The following ROBO2 variants were observed in gnomAD, a reference collection of about 807,000 sequenced individuals.
The protein encoded by ROBO2 is roundabout homolog 2.
In ROBO2, 53 loss-of-function variants were observed where a neutral mutation model predicts 160.8. That is an observed-to-expected ratio of 0.33 (90% CI 0.26 to 0.41). The LOEUF (loss-of-function observed/expected upper bound fraction) is 0.41. ROBO2 is among the 10% of genes least tolerant of loss of function. The pLI is 1.00. For missense variants in ROBO2, 1,577 were observed against 1,722.4 expected, an observed-to-expected ratio of 0.92 and a Z score of 1.49; for synonymous variants, 664 against 611.7, an observed-to-expected ratio of 1.09 and a Z score of -1.26.
intron 2 of ROBO2, among the ~76,000 whole-genome samples, chr3:77,375,871 A>G (rs1191609835): frequency 6.7e-6 from 1 of 149,292 alleles, no homozygotes; most frequent in Non-Finnish European, 1.5e-5. Flanking sequence ...TGAAGTGCTC[A>G]GTAGTAGTTA....
At chr3:76,183,184 T>C (rs1489087513) in intron 2 of ROBO2, among the ~76,000 whole-genome samples, 1 of 152,126 alleles carries the variant, frequency 6.6e-6, no homozygotes, top group African/African-American at 2.4e-5. Flanking sequence ...AAATGTCATC[T>C]CTAGGACAGC....
At chr3:76,468,292 G>C (rs2078464717) in intron 2 of ROBO2, among the ~76,000 whole-genome samples, 1 of 152,088 alleles carries the variant, frequency 6.6e-6, no homozygotes, top group Non-Finnish European at 1.5e-5. Flanking sequence ...AACTACATTT[G>C]ACATTGGAAT....
At chr3:77,241,283 G>A (rs761801777) in intron 2 of ROBO2, among the ~76,000 whole-genome samples, 1 of 152,036 alleles carries the variant, frequency 6.6e-6, no homozygotes, top group Admixed American at 6.5e-5. Context: ...GATAAATCAA[G>A]GTTTAACTAT....
At chr3:77,295,038 A>G (rs2061885327) in intron 2 of ROBO2, among the ~76,000 whole-genome samples, 1 of 151,742 alleles carries the variant, frequency 6.6e-6, no homozygotes, top group Non-Finnish European at 1.5e-5. Flanking sequence ...GACTTAAAGA[A>G]AAATTGATGC....
intron 2 of ROBO2, among the ~76,000 whole-genome samples, chr3:76,684,496 T>C (rs918370592): frequency 1.3e-5 from 2 of 152,302 alleles, no homozygotes; most frequent in South Asian, 4.1e-4. Context: ...TAGTAATTAG[T>C]AAATTTTAGT....
intron 2 of ROBO2, among the ~76,000 whole-genome samples, chr3:77,428,379 C>G (rs1184121377): frequency 3.3e-5 from 4 of 120,560 alleles, no homozygotes; most frequent in African/African-American, 1.4e-4. Context: ...GACGGAGTCT[C>G]GCTCTGTCAC....
intron 2 of ROBO2, among the ~76,000 whole-genome samples, chr3:77,217,442 C>T (rs991643045): frequency 1.3e-5 from 2 of 152,088 alleles, no homozygotes; most frequent in South Asian, 2.1e-4. Flanking sequence ...CATGCCTGGC[C>T]GATTTTTCTA....
chr3:77,176,349 G>T (rs924251739), intron 2 of ROBO2, among the ~76,000 whole-genome samples: 1 of 151,976 alleles, frequency 6.6e-6, no homozygotes, highest in Non-Finnish European at 1.5e-5. Context: ...TACTCGGACG[G>T]ATTTTTCCCT....
At chr3:76,019,320 G>A (rs1487874048) in intron 2 of ROBO2, among the ~76,000 whole-genome samples, 1 of 150,438 alleles carries the variant, frequency 6.6e-6, no homozygotes, top group East Asian at 2.0e-4. Context: ...CTTGGAATTG[G>A]CTAATACTTG....
intron 2 of ROBO2, among the ~76,000 whole-genome samples, chr3:76,148,550 C>T (rs771375336): frequency 7.9e-5 from 12 of 152,044 alleles, no homozygotes; most frequent in Non-Finnish European, 1.2e-4. Context: ...AAAATGCTTT[C>T]TGGGCCTATC....
chr3:76,787,223 C>T (rs1222457657), intron 2 of ROBO2, among the ~76,000 whole-genome samples: 2 of 151,172 alleles, frequency 1.3e-5, no homozygotes, highest in African/African-American at 2.4e-5. Context: ...ATCACAATGC[C>T]TTTATAAAAT....
chr3:76,718,444 A>G lies in ROBO2; in HGVS notation c.110-379570A>G, dbSNP rs149391946. ...AAATTCTGTTTCCATTGCCACTGTT[A>G]TTTTGACACATCCTCAAAATAACTG... is the stretch of plus-strand genomic sequence containing the variant. On this transcript the variant is annotated intron_variant, in intron 2 of 26. Coordinates refer to the ROBO2 transcript ENST00000487694. Among the ~76,000 whole-genome samples, 377 of 152,334 alleles carry G rather than the reference A, an allele frequency of 2.5e-3. 1 individual carries two copies. Among genetic ancestry groups the G allele is most frequent in the Middle Eastern group, 6.8e-3 (2 of 294 alleles).
intron 2 of ROBO2, among the ~76,000 whole-genome samples, chr3:76,672,660 G>T (rs946992277): frequency 6.6e-6 from 1 of 152,072 alleles, no homozygotes; most frequent in Non-Finnish European, 1.5e-5. Context: ...GGGAATTACC[G>T]ACTCAAGCAC....
At chr3:76,482,651 A>G (rs1175850870) in intron 2 of ROBO2, among the ~76,000 whole-genome samples, 4 of 152,114 alleles carry the variant, frequency 2.6e-5, no homozygotes, top group African/African-American at 9.7e-5. Context: ...AAGCCATGTC[A>G]TGTATGGACA....
intron 2 of ROBO2, among the ~76,000 whole-genome samples, chr3:76,581,414 C>T (rs1578302183): frequency 6.6e-6 from 1 of 151,880 alleles, no homozygotes; most frequent in East Asian, 1.9e-4. Flanking sequence ...CGGAAGCAGC[C>T]TGAATGAAGG....
chr3:76,504,527 T>G (rs2080677639), intron 2 of ROBO2, among the ~76,000 whole-genome samples: 1 of 133,246 alleles, frequency 7.5e-6, no homozygotes, highest in Non-Finnish European at 1.6e-5. Context: ...CTCTTTTTTT[T>G]TTTTTTTTTT....
At chr3:76,123,801 C>T (rs1023918103) in intron 2 of ROBO2, among the ~76,000 whole-genome samples, 1 of 152,132 alleles carries the variant, frequency 6.6e-6, no homozygotes, top group African/African-American at 2.4e-5. Context: ...ACCTTTTCTT[C>T]CTACACCTTG....
chr3:77,340,036 C>T (rs1327615132), intron 2 of ROBO2, among the ~76,000 whole-genome samples: 1 of 152,090 alleles, frequency 6.6e-6, no homozygotes, highest in Non-Finnish European at 1.5e-5. Flanking sequence ...AATTTCCACC[C>T]TGGCCCTTTG....
At chr3:76,371,432 T>A (rs1352966857) in intron 2 of ROBO2, among the ~76,000 whole-genome samples, 2 of 151,788 alleles carry the variant, frequency 1.3e-5, no homozygotes, top group East Asian at 2.0e-4. Context: ...ACTTAAAGAT[T>A]AGCTGCATAT....
Sources: gnomAD v4.1 joint callset for allele counts (sites outside exome capture counted in the v4.1 genomes callset) on GRCh38, gnomAD v4.1.1 for gene constraint, MANE v1.5 for transcripts, NCBI Gene and HGNC (gene_info 2026-07-23, HGNC 2026-07-21) for gene names.